Variants in SNAPC1 observed in about 807,000 individuals in gnomAD.
The protein encoded by SNAPC1 is small nuclear RNA activating complex polypeptide 1.
SNAPC1 carries 42 observed loss-of-function variants against 50.1 expected under a neutral mutation model. The ratio of observed to expected loss-of-function variants is 0.84; its 90% CI spans 0.65 to 1.08. The LOEUF (loss-of-function observed/expected upper bound fraction) is 1.08, where lower values mean the gene tolerates loss of function less well. Among genes scored for constraint, SNAPC1 ranks in the 50% least tolerant of loss-of-function variants. SNAPC1 has a pLI of 0.00. For missense variants in SNAPC1, 477 were observed against 427.3 expected (o/e 1.12, Z -1.02); for synonymous variants, 164 against 144.2 (o/e 1.14, Z -0.98).
chr14:61,764,267 C>T (rs745466249), intron 1 of SNAPC1, among the ~76,000 whole-genome samples: 1 of 152,086 alleles, frequency 6.6e-6, no homozygotes, highest in Non-Finnish European at 1.5e-5. Flanking sequence ...ATTAAAAAGG[C>T]GAAATAACTG....
chr14:61,767,151 A>G, intron 2 of SNAPC1, 61 bp from the exon 3 acceptor site: 1 of 1,239,472 alleles, frequency 8.1e-7, no homozygotes, highest in East Asian at 2.8e-5. Context: ...TTTTAAAATT[A>G]TAATATGTTT....
chr14:61,783,300 A>G (rs1006954004), intron 8 of SNAPC1, among the ~76,000 whole-genome samples: 23 of 151,554 alleles, frequency 1.5e-4, no homozygotes, highest in Admixed American at 1.2e-3. Context: ...CAAAGTGCTG[A>G]GATTACAGGT....
intron 7 of SNAPC1, among the ~76,000 whole-genome samples, 195 bp downstream of exon 7, chr14:61,779,105 C>A (rs935844073): frequency 1.3e-5 from 2 of 152,196 alleles, no homozygotes; most frequent in Non-Finnish European, 2.9e-5. Flanking sequence ...GCATCTTTCA[C>A]TTCTTCTCTT....
chr14:61,791,203 G>C (rs920088978), intron 8 of SNAPC1, among the ~76,000 whole-genome samples: 2 of 151,882 alleles, frequency 1.3e-5, no homozygotes, highest in Non-Finnish European at 2.9e-5. Flanking sequence ...GTAGAAGCAG[G>C]GTTTCACCAT....
chr14:61,779,649 T>G (rs1313334039), intron 7 of SNAPC1, among the ~76,000 whole-genome samples: 1 of 151,650 alleles, frequency 6.6e-6, no homozygotes, highest in African/African-American at 2.4e-5. Context: ...TTTTGATGGT[T>G]CCTCCCATTT....
intron 7 of SNAPC1, among the ~76,000 whole-genome samples, chr14:61,781,246 G>A (rs2045069455): frequency 6.6e-6 from 1 of 151,938 alleles, no homozygotes; most frequent in African/African-American, 2.4e-5. Flanking sequence ...TCAGGAGATC[G>A]AAACCATCCT....
intron 7 of SNAPC1, 140 bp downstream of exon 7, chr14:61,779,050 C>G: frequency 3.7e-6 from 2 of 538,910 alleles, no homozygotes; most frequent in Admixed American, 4.2e-5. Context: ...CAACAGTCCC[C>G]TTCTCTGCCA....
At chr14:61,773,479 C>T (rs2045010406) in intron 4 of SNAPC1, among the ~76,000 whole-genome samples, 1 of 142,376 alleles carries the variant, frequency 7.0e-6, no homozygotes, top group Non-Finnish European at 1.5e-5. Context: ...ACTGCAAGCT[C>T]TGCTTCCTGG....
intron 1 of SNAPC1, among the ~76,000 whole-genome samples, chr14:61,763,450 C>G (rs950003669): frequency 3.3e-5 from 5 of 150,064 alleles, no homozygotes; most frequent in African/African-American, 9.8e-5. Flanking sequence ...GCCTGCCAGT[C>G]CCCTCCATGC....
intron 8 of SNAPC1, among the ~76,000 whole-genome samples, chr14:61,787,897 C>T (rs761397367): frequency 2.6e-4 from 40 of 152,088 alleles, no homozygotes; most frequent in Admixed American, 1.2e-3. Context: ...CATATAGGCA[C>T]AGCAACGTGA....
At chr14:61,793,311 T>TA (rs1281140858) in intron 9 of SNAPC1, among the ~76,000 whole-genome samples, 1 of 152,006 alleles carries the variant, frequency 6.6e-6, no homozygotes, top group Non-Finnish European at 1.5e-5. Flanking sequence ...CACAGTGACT[T>TA]ACTACAGCTT....
At chr14:61,782,106 CA>C in intron 7 of SNAPC1, 140 bp from the exon 8 acceptor site, 2 of 597,822 alleles carry the variant, frequency 3.3e-6, no homozygotes, top group Non-Finnish European at 5.5e-6. Flanking sequence ...GTAAGCCAGC[CA>C]GGGGTAATAG....
intron 4 of SNAPC1, among the ~76,000 whole-genome samples, chr14:61,774,285 C>G (rs1332618824): frequency 6.6e-6 from 1 of 151,692 alleles, no homozygotes. Flanking sequence ...TACAGGTGCA[C>G]ACTACTGTGC....
intron 9 of SNAPC1, 36 bp downstream of exon 9, chr14:61,792,938 C>A: frequency 9.9e-7 from 1 of 1,005,636 alleles, no homozygotes. Flanking sequence ...GTCAAGTAAA[C>A]TAACTTATAC....
intron 4 of SNAPC1, among the ~76,000 whole-genome samples, chr14:61,773,204 T>A (rs1369592125): frequency 1.4e-5 from 2 of 144,284 alleles, no homozygotes; most frequent in East Asian, 2.2e-4. Flanking sequence ...ATTTGACTTC[T>A]AATTCTAGCC....
chr14:61,772,442 G>A (rs933170416), intron 4 of SNAPC1, among the ~76,000 whole-genome samples: 5 of 152,138 alleles, frequency 3.3e-5, no homozygotes, highest in Admixed American at 2.0e-4. Context: ...GCAGGGTTTC[G>A]GCATCTTGGC....
At chr14:61,785,219 A>G (rs554188791) in intron 8 of SNAPC1, among the ~76,000 whole-genome samples, 6 of 152,300 alleles carry the variant, frequency 3.9e-5, no homozygotes, top group Non-Finnish European at 7.4e-5. Flanking sequence ...CCTGGCCAAC[A>G]TGGAGAAACC....
chr14:61,778,978 C>G lies in SNAPC1; in HGVS notation c.825+68C>G. 5.6e-6 allele frequency: 5 copies of G among 886,310 alleles called. No homozygotes were observed. In the South Asian group the frequency reaches 7.9e-5, roughly 14 times the overall value. 54.9% of individuals were successfully genotyped at this position (886,310 alleles called of 1,614,324 possible). A position where few individuals can be genotyped will look rare whatever the true frequency, so the allele number is the denominator to read the frequency against. On this transcript the variant is annotated intron_variant, in intron 7 of 9. Transcript: ENST00000216294. Reference sequence around the variant, plus strand: ...TTTAAATTATATTTCAATTTTTCATCAAAGTAGTAATACATGTACTTAGTT... The same window carrying G: ...TTTAAATTATATTTCAATTTTTCATGAAAGTAGTAATACATGTACTTAGTT...
At chr14:61,772,787 T>A (rs2140177286) in intron 4 of SNAPC1, among the ~76,000 whole-genome samples, 2 of 152,356 alleles carry the variant, frequency 1.3e-5, no homozygotes, top group East Asian at 3.9e-4. Context: ...TAAGCTCTTT[T>A]AAGTTGGGGT....
Sources: gnomAD v4.1 joint callset for allele counts (sites outside exome capture counted in the v4.1 genomes callset) on GRCh38, gnomAD v4.1.1 for gene constraint, MANE v1.5 for transcripts, NCBI Gene and HGNC (gene_info 2026-07-23, HGNC 2026-07-21) for gene names.